Variants in ITPR3 observed in about 807,000 individuals in gnomAD.
The protein encoded by ITPR3 is inositol 1,4,5-trisphosphate receptor type 3.
Under a neutral mutation model 293.2 loss-of-function variants are expected in ITPR3, and 173 were observed. The observed-to-expected ratio is 0.59, with a 90% CI of 0.52 to 0.67. The LOEUF is 0.67. Among genes scored for constraint, ITPR3 ranks in the 30% least tolerant of loss-of-function variants. ITPR3 has a pLI of 0.00. For missense variants in ITPR3, 2,796 were observed against 3,592.1 expected, an observed-to-expected ratio of 0.78 and a Z score of 5.66; for synonymous variants, 1,295 against 1,444.4, an observed-to-expected ratio of 0.90 and a Z score of 2.35.
rs764795147 is a variant in ITPR3, at chr6:33,659,538, G to T, written c.700G>T (p.Val234Leu). 9 of 1,613,936 alleles carry T rather than the reference G, an allele frequency of 5.6e-6. No individual in the cohort carries two copies. Among genetic ancestry groups the T allele is most frequent in the African/African-American group, 1.3e-5 (1 of 75,032 alleles). The change falls in exon 7 of 58, where the codon GTG becomes TTG. Residue 234 changes from valine (V) to leucine (L), a missense_variant. Physicochemically the swap from Val to Leu is conservative, Grantham distance 32. Around this residue, in one of 8 missense-constraint regions of ITPR3, gnomAD observed 144 missense variants for 230.8 expected, o/e 0.62. Transcript: ENST00000605930. The part of the protein sequence containing the change: ...FMQFRDHLEE[V>L]LKGGDVVRLF... ...GCAGTTTCGGGACCACCTGGAGGAG[G>T]TGTTGAAAGGGGTAAGGACTGGGAA...
rs200707174 is a variant in ITPR3, at chr6:33,670,558, C to T, written c.2423C>T (p.Thr808Ile). Residue 808 changes from threonine to isoleucine, a missense_variant, in exon 19 of 58, where the codon ACA becomes ATA. Coordinates refer to ENST00000605930, the MANE Select transcript of ITPR3 (RefSeq NM_002224.4). This position sits in a 1 kb window ranked among gnomAD's most constrained non-coding sequence, Gnocchi z 6.7. ...GCCCGTCTCTGGACTGAGATCCCCA[C>T]AGCCATCACCATCAAGGAGTGAGAG... Reference protein sequence around the residue: ...KFARLWTEIPTAITIKDYDSN... With the variant: ...KFARLWTEIPIAITIKDYDSN... 5.2e-5 allele frequency: 84 copies of T among 1,613,176 alleles called. No individual in the cohort carries two copies. In the East Asian group the frequency reaches 1.9e-3, roughly 36 times the overall value.
chr6:33,653,813 C>T (rs1764247072), intron 2 of ITPR3, among the ~76,000 whole-genome samples: 1 of 152,208 alleles, frequency 6.6e-6, no homozygotes, highest in Admixed American at 6.5e-5. Context: ...CCGGAACATT[C>T]CCTGGTGTGT....
In ITPR3 at chr6:33,690,775, C is replaced by T. The variant is rs34778247; in HGVS notation, c.7033-142C>T. The T allele has an allele frequency of 2.2e-5, 15 of 686,500 alleles. 1 individual carries two copies. Among genetic ancestry groups the T allele is most frequent in the African/African-American group, 7.2e-5 (4 of 55,314 alleles). 42.5% of individuals were successfully genotyped at this position (686,500 alleles called of 1,614,324 possible). On this transcript the variant is annotated intron_variant, in intron 51 of 57. Coordinates refer to ENST00000605930, the MANE Select transcript of ITPR3 (RefSeq NM_002224.4). ...CTGACAGGCCCACCCAGCTTGGATA[C>T]GACTAAGTGCAGACCTCCCTGGAGG...
At chr6:33,639,378 C>CAAA (rs34424556) in intron 1 of ITPR3, among the ~76,000 whole-genome samples, 4 of 94,928 alleles carry the variant, frequency 4.2e-5, no homozygotes, top group African/African-American at 7.3e-5. Flanking sequence ...AACTCTGTCT[C>CAAA]AAAAAAAAAA....
At chr6:33,640,391 C>T in intron 1 of ITPR3, 93 bp from the exon 2 acceptor site, 8 of 1,138,394 alleles carry the variant, frequency 7.0e-6, no homozygotes, top group Non-Finnish European at 1.0e-5. Flanking sequence ...CTTAGGGGCT[C>T]ACTGGTACCC....
rs186151658 is a variant in ITPR3, at chr6:33,670,830, G to A, written c.2586+15G>A. 1,288 of 1,611,876 alleles carry A rather than the reference G, an allele frequency of 8.0e-4. 9 individuals carry two copies. The African/African-American group carries it at 0.011, about 14-fold the overall frequency. ...TCACTTTTGAGGTGGCTGGGGGAGT[G>A]CCCAGGGGCTGGGGGTCCGTGGAGC... On this transcript the variant is annotated intron_variant, in intron 20 of 57. Coordinates refer to ENST00000605930, the MANE Select transcript of ITPR3 (RefSeq NM_002224.4). This position sits in a 1 kb window ranked among gnomAD's most constrained non-coding sequence, Gnocchi z 6.7.
chr6:33,667,007 G>T lies in ITPR3; in HGVS notation c.1552-122G>T. The T allele has an allele frequency of 8.6e-7, 1 of 1,169,580 alleles. No individual in the cohort carries two copies. Among genetic ancestry groups the T allele is most frequent in the Non-Finnish European group, 1.2e-6 (1 of 815,138 alleles). 72.5% of individuals were successfully genotyped at this position (1,169,580 alleles called of 1,614,324 possible). A position where few individuals can be genotyped will look rare whatever the true frequency, so the allele number is the denominator to read the frequency against. On this transcript the variant is annotated intron_variant, in intron 14 of 57. Transcript: ENST00000605930. This position sits in a 1 kb window ranked among gnomAD's most constrained non-coding sequence, Gnocchi z 4.4. ...TTGTGGTCCAGCTTAGAATCAGCTC[G>T]AAGCTGATGTCCGGGCTGGCTTTAG...
Position 33,654,270 on chromosome 6 carries a change from AAAAAATAAG to A in ITPR3, c.161-1487_161-1479del, listed in dbSNP as rs1764257633. Among the ~76,000 whole-genome samples, 1 of 152,248 alleles carries A rather than the reference AAAAAATAAG, an allele frequency of 6.6e-6. No individual in the cohort carries two copies. The highest frequency in any genetic ancestry group is 2.4e-5 in the African/African-American group (1 of 41,544). ...GCTACAGAGTGAGACCGTGTCTCAA[AAAAAATAAG>A]AAAAATAAAAAAAATAAAAAAGACA... On this transcript the variant is annotated intron_variant, in intron 2 of 57. Coordinates refer to ENST00000605930, the MANE Select transcript of ITPR3 (RefSeq NM_002224.4). This position sits in a 1 kb window ranked among gnomAD's most constrained non-coding sequence, Gnocchi z 4.1.
intron 21 of ITPR3, 97 bp downstream of exon 21, chr6:33,671,403 TC>T: frequency 6.1e-6 from 5 of 817,806 alleles, no homozygotes; most frequent in South Asian, 1.7e-5. Context: ...AGCCCCGCAT[TC>T]CCCCCACCCA....
intron 1 of ITPR3, among the ~76,000 whole-genome samples, chr6:33,628,491 G>C (rs1404661246): frequency 6.6e-6 from 1 of 152,242 alleles, no homozygotes; most frequent in Non-Finnish European, 1.5e-5. Flanking sequence ...GGGTCACGCA[G>C]CAGGGGACTG....
At chr6:33,693,493 T>G (rs1331250250) in intron 55 of ITPR3, 52 bp from the exon 56 acceptor site, 5 of 1,599,004 alleles carry the variant, frequency 3.1e-6, no homozygotes, top group Non-Finnish European at 4.3e-6. Context: ...CAGGTGACCC[T>G]GCAGTGGCTC....
rs1363855729 is a variant in ITPR3, at chr6:33,663,017, G to A, written c.954+11G>A. 1.3e-6 allele frequency: 2 copies of A among 1,586,766 alleles called. No individual in the cohort carries two copies. The highest frequency in any genetic ancestry group is 1.7e-6 in the Non-Finnish European group (2 of 1,165,056). ...TACCTGGCTGCTGAGGTGAGCGGGA[G>A]GTAGAGGGCATGCTGGGGCTCGTGT... On this transcript the variant is annotated intron_variant, in intron 9 of 57. Coordinates refer to ENST00000605930, the MANE Select transcript of ITPR3 (RefSeq NM_002224.4).
In ITPR3 at chr6:33,669,103, C is replaced by A. The variant is rs139499603; in HGVS notation, c.2136C>A (p.Ala712=). 202 of 1,614,128 alleles carry A rather than the reference C, an allele frequency of 1.3e-4. 1 individual carries two copies. Among genetic ancestry groups the A allele is most frequent in the Non-Finnish European group, 1.6e-4 (191 of 1,180,010 alleles). The change falls in exon 18 of 58, where the codon GCC becomes GCA. Residue 712 remains alanine, a synonymous_variant. Transcript: ENST00000605930. ...ATGAGAAGAGTGTGAGGCAGCTGGC[C>A]CAGGAGGCGCGGGCCGGCAACGCCC... ...EHHEKSVRQL[A]QEARAGNAHD...
intron 28 of ITPR3, 125 bp downstream of exon 28, chr6:33,677,754 G>T: frequency 8.5e-7 from 1 of 1,177,110 alleles, no homozygotes. Context: ...ACACTGCCCT[G>T]TTTGTTTGCA....
intron 13 of ITPR3, 116 bp downstream of exon 13, chr6:33,665,329 C>A: frequency 7.2e-7 from 1 of 1,385,758 alleles, no homozygotes; most frequent in Non-Finnish European, 9.7e-7. Flanking sequence ...GAGTAGGGGA[C>A]TGGCCCCTGT....
chr6:33,649,326 A>G (rs12153870), intron 2 of ITPR3, among the ~76,000 whole-genome samples: 18,428 of 152,278 alleles, frequency 0.12, 1,549 homozygotes, highest in Middle Eastern at 0.21. Flanking sequence ...CCTGGGTTCA[A>G]GCGATTCTCC....
At chr6:33,688,830 C>T (rs776529126) in intron 49 of ITPR3, 49 bp downstream of exon 49, 15 of 1,613,140 alleles carry the variant, frequency 9.3e-6, no homozygotes, top group Non-Finnish European at 3.4e-6. Flanking sequence ...TGCCATGCTT[C>T]CTCCCTGGGT....
At chr6:33,662,066 C>T (rs1331488830) in intron 7 of ITPR3, among the ~76,000 whole-genome samples, 1 of 149,324 alleles carries the variant, frequency 6.7e-6, no homozygotes, top group Non-Finnish European at 1.5e-5. Flanking sequence ...GAGATGCCCT[C>T]CATGCTGCCC....
chr6:33,662,810 G>A, intron 8 of ITPR3, 101 bp from the exon 9 acceptor site: 2 of 1,492,036 alleles, frequency 1.3e-6, no homozygotes, highest in Non-Finnish European at 9.1e-7. Context: ...GCCAGAGAGG[G>A]TCCAGAACCC....
Sources: gnomAD v4.1 joint callset for allele counts (sites outside exome capture counted in the v4.1 genomes callset) on GRCh38, gnomAD v4.1.1 for gene constraint, gnomAD v4.1.1 regional missense constraint, Gnocchi (gnomAD v3.1) non-coding constraint, MANE v1.5 for transcripts, NCBI Gene and HGNC (gene_info 2026-07-23, HGNC 2026-07-21) for gene names.